ZEB1: variants seen among roughly 807,000 people sequenced by gnomAD.
ZEB1 encodes zinc finger E-box-binding homeobox 1.
A neutral mutation model predicts 84.9 loss-of-function variants in ZEB1; 21 were observed. The ratio of observed to expected loss-of-function variants is 0.25; its 90% CI spans 0.18 to 0.36. ZEB1 has a LOEUF of 0.36. Among genes scored for constraint, ZEB1 ranks in the 10% least tolerant of loss-of-function variants. ZEB1 has a pLI of 1.00. For missense variants in ZEB1, 1,104 were observed against 1,330.2 expected, an observed-to-expected ratio of 0.83 and a Z score of 2.65; for synonymous variants, 420 against 471.1, an observed-to-expected ratio of 0.89 and a Z score of 1.41.
chr10:31,482,474 A>G (rs942363573), intron 2 of ZEB1, among the ~76,000 whole-genome samples: 7 of 133,524 alleles, frequency 5.2e-5, no homozygotes, highest in Non-Finnish European at 1.0e-4. Context: ...CCTGGGCCAG[A>G]AAAAAAAAAA....
At chr10:31,412,376 A>G (rs2054465426) in intron 1 of ZEB1, among the ~76,000 whole-genome samples, 1 of 152,286 alleles carries the variant, frequency 6.6e-6, no homozygotes, top group African/African-American at 2.4e-5. Context: ...CATCATTTAC[A>G]TTAGGTATAT....
chr10:31,429,654 C>T (rs1006828114), intron 1 of ZEB1, among the ~76,000 whole-genome samples: 7 of 149,150 alleles, frequency 4.7e-5, no homozygotes, highest in African/African-American at 1.7e-4. Flanking sequence ...ATGTAACAAA[C>T]CTGCACTTGT....
intron 1 of ZEB1, among the ~76,000 whole-genome samples, chr10:31,369,273 ACT>A (rs1232671856): frequency 2.0e-5 from 3 of 152,002 alleles, no homozygotes; most frequent in Admixed American, 1.3e-4. Flanking sequence ...GTTATTATTG[ACT>A]CTCGTCAACT....
At chr10:31,495,658 T>A (rs1278965780) in intron 2 of ZEB1, 118 bp from the exon 3 acceptor site, 6 of 974,846 alleles carry the variant, frequency 6.2e-6, no homozygotes, top group Non-Finnish European at 9.9e-6. Context: ...TTTTGATACA[T>A]GTATACAATG....
At chr10:31,374,361 C>G (rs2046243007) in intron 1 of ZEB1, among the ~76,000 whole-genome samples, 1 of 151,744 alleles carries the variant, frequency 6.6e-6, no homozygotes, top group African/African-American at 2.4e-5. Context: ...TGTAATCATT[C>G]CAATGTTTAC....
Position 31,454,351 on chromosome 10 carries a change from C to A in ZEB1, c.59-6686C>A, listed in dbSNP as rs184086850. On this transcript the variant is annotated intron_variant, in intron 1 of 8. Coordinates refer to ENST00000424869, the MANE Select transcript of ZEB1 (RefSeq NM_001174096.2). ...CAAGCATTCCCTTTGAAAACTAGCACAAGACAAAGATGCCCTCTCTCACCA... is the reference window on the plus strand; with the variant it reads ...CAAGCATTCCCTTTGAAAACTAGCAAAAGACAAAGATGCCCTCTCTCACCA... 5.4e-3 allele frequency among the ~76,000 whole-genome samples: 818 copies of A among 152,210 alleles called. 8 individuals are homozygous for A. Among genetic ancestry groups the A allele is most frequent in the Non-Finnish European group, 5.4e-3 (366 of 67,998 alleles).
intron 1 of ZEB1, among the ~76,000 whole-genome samples, chr10:31,405,719 T>TA (rs1564740965): frequency 5.3e-5 from 8 of 151,274 alleles, no homozygotes; most frequent in African/African-American, 2.0e-4. Flanking sequence ...CTTTTTTTTT[T>TA]TAAAATTTAA....
intron 1 of ZEB1, among the ~76,000 whole-genome samples, chr10:31,324,703 A>G (rs1384893837): frequency 6.6e-6 from 1 of 152,112 alleles, no homozygotes; most frequent in African/African-American, 2.4e-5. Flanking sequence ...AGCTAAAATA[A>G]AAGTCCATTG....
chr10:31,441,756 C>T (rs1305413298), intron 1 of ZEB1, among the ~76,000 whole-genome samples: 1 of 152,182 alleles, frequency 6.6e-6, no homozygotes, highest in African/African-American at 2.4e-5. Flanking sequence ...TATGAACAGA[C>T]ACTTCTCAAA....
chr10:31,328,142 T>C lies in ZEB1; in HGVS notation c.58+8850T>C, dbSNP rs867201739. On this transcript the variant is annotated intron_variant, in intron 1 of 8. Coordinates refer to ENST00000424869, the MANE Select transcript of ZEB1 (RefSeq NM_001174096.2). ...TCCTAATCTATAGATTATAAAGATA[T>C]TTTCCTGGATTTTCTTCTATTAGTT... is the stretch of plus-strand genomic sequence containing the variant. 1.2e-4 allele frequency among the ~76,000 whole-genome samples: 19 copies of C among 152,284 alleles called. No individual in the cohort carries two copies. The South Asian group carries it at 2.1e-3, about 17-fold the overall frequency.
chr10:31,338,284 C>T (rs1168017099), intron 1 of ZEB1, among the ~76,000 whole-genome samples: 1 of 152,058 alleles, frequency 6.6e-6, no homozygotes, highest in African/African-American at 2.4e-5. Flanking sequence ...TTGTATCAGG[C>T]ACTATTCTCA....
rs560630954 is a variant in ZEB1, at chr10:31,460,421, G to A, written c.59-616G>A. Among the ~76,000 whole-genome samples, 8 of 152,214 alleles carry A rather than the reference G, an allele frequency of 5.3e-5. No individual in the cohort carries two copies. In the South Asian group the frequency reaches 1.7e-3, roughly 32 times the overall value. ...GTGTTGGATTAATAATGTAATGCATGGATCATTAACAGCTTAAAAATACTT... is the reference window on the plus strand; with the variant it reads ...GTGTTGGATTAATAATGTAATGCATAGATCATTAACAGCTTAAAAATACTT... On this transcript the variant is annotated intron_variant, in intron 1 of 8. Transcript: ENST00000424869.
intron 1 of ZEB1, among the ~76,000 whole-genome samples, chr10:31,335,880 A>C (rs977945183): frequency 6.6e-6 from 1 of 152,102 alleles, no homozygotes; most frequent in Non-Finnish European, 1.5e-5. Context: ...GAATTACTCA[A>C]AGTTTAAATT....
chr10:31,507,348 G>A (rs941832853), intron 4 of ZEB1, among the ~76,000 whole-genome samples: 1 of 152,046 alleles, frequency 6.6e-6, no homozygotes, highest in African/African-American at 2.4e-5. Flanking sequence ...GGGGTGCGCT[G>A]AGCTTTCTGT....
At chr10:31,338,027 G>A (rs752498731) in intron 1 of ZEB1, among the ~76,000 whole-genome samples, 1 of 152,014 alleles carries the variant, frequency 6.6e-6, no homozygotes, top group Non-Finnish European at 1.5e-5. Flanking sequence ...ACTCCAAAAT[G>A]TATTCATTTA....
At chr10:31,453,514 G>T (rs1351918444) in intron 1 of ZEB1, among the ~76,000 whole-genome samples, 2 of 152,108 alleles carry the variant, frequency 1.3e-5, no homozygotes, top group African/African-American at 4.8e-5. Flanking sequence ...TTTTATGATT[G>T]TACATTACTT....
In ZEB1 at chr10:31,521,365, T is replaced by A. The variant is rs2072322585; in HGVS notation, c.2033T>A (p.Leu678Gln). The change falls in exon 7 of 9, where the codon CTA (leucine) becomes CAA (glutamine). Residue 678 changes from leucine (L) to glutamine (Q), a missense_variant. This residue lies in a region of ZEB1 where 531 missense variants were observed against 575.2 expected (regional missense o/e 0.92). Coordinates refer to ENST00000424869, the MANE Select transcript of ZEB1 (RefSeq NM_001174096.2). Reference protein sequence around the residue: ...ANEPQDSTVNLQSPLKMTNSP... With the variant: ...ANEPQDSTVNQQSPLKMTNSP... ...GAACCCCAGGACAGCACAGTAAATCTACAAAGTCCTTTGAAGATGACTAAC... is the reference window on the plus strand; with the variant it reads ...GAACCCCAGGACAGCACAGTAAATCAACAAAGTCCTTTGAAGATGACTAAC... 6.2e-7 allele frequency: 1 copy of A among 1,613,966 alleles called. No individual in the cohort carries two copies. Among genetic ancestry groups the A allele is most frequent in the Non-Finnish European group, 8.5e-7 (1 of 1,180,010 alleles).
chr10:31,509,032 G>A (rs1377452606), intron 4 of ZEB1, among the ~76,000 whole-genome samples: 1 of 152,132 alleles, frequency 6.6e-6, no homozygotes, highest in East Asian at 1.9e-4. Context: ...CTGGGAGGAG[G>A]TATGGTCACT....
chr10:31,329,720 C>T (rs1456628566), intron 1 of ZEB1, among the ~76,000 whole-genome samples: 1 of 152,040 alleles, frequency 6.6e-6, no homozygotes, highest in African/African-American at 2.4e-5. Flanking sequence ...AACAATTGTC[C>T]ATGTTTTTAA....
Sources: gnomAD v4.1 joint callset for allele counts (sites outside exome capture counted in the v4.1 genomes callset) on GRCh38, gnomAD v4.1.1 for gene constraint, gnomAD v4.1.1 regional missense constraint, MANE v1.5 for transcripts, NCBI Gene and HGNC (gene_info 2026-07-23, HGNC 2026-07-21) for gene names.